PRKD3: variants seen among roughly 807,000 people sequenced by gnomAD.
PRKD3 encodes serine/threonine-protein kinase D3.
A neutral mutation model predicts 99.2 loss-of-function variants in PRKD3; 47 were observed. The observed-to-expected ratio is 0.47, with a 90% confidence interval of 0.38 to 0.60. The LOEUF (loss-of-function observed/expected upper bound fraction) is 0.60. Among genes scored for constraint, PRKD3 ranks in the 20% least tolerant of loss-of-function variants. The pLI is 0.00. For synonymous variants in PRKD3, 392 were observed against 355.4 expected (o/e 1.10, Z -1.16); for missense variants, 1,019 against 1,088.4 (o/e 0.94, Z 0.90).
intron 2 of PRKD3, among the ~76,000 whole-genome samples, chr2:37,296,899 CAAAAAAAAAAAA>C (rs748730644): frequency 2.1e-5 from 1 of 48,130 alleles, no homozygotes; most frequent in Non-Finnish European, 4.3e-5. Flanking sequence ...GACTCTGTCT[CAAAAAAAAAAAA>C]AAAAAAAAAA....
chr2:37,316,867 TTG>T lies in PRKD3; in HGVS notation c.-345_-344del. 9.6e-7 allele frequency: 1 copy of T among 1,046,648 alleles called. No individual in the cohort carries two copies. The highest frequency in any genetic ancestry group is 1.2e-6 in the Non-Finnish European group (1 of 869,388). 64.8% of individuals were successfully genotyped at this position (1,046,648 alleles called of 1,614,324 possible). On this transcript the variant is annotated 5_prime_UTR_variant, in exon 2 of 19. An upstream open reading frame in the 5' UTR gains an earlier in-frame stop. Transcript: ENST00000234179. The stretch of plus-strand genomic sequence containing the variant: ...AATCTATTTTCCTTTCAGTCTGTAC[TTG>T]TCTCTTTAATTTCAGGAAATACATA...
At position 37,264,079 on chromosome 2, in the gene PRKD3, A is replaced by G. The variant is rs547368266; in HGVS notation, c.1884+3351T>C. ...CAAAAGAAACATTTTACATTACCAC[A>G]TAATCTAGGAAACAAAAGGAACCTC... On this transcript the variant is annotated intron_variant, in intron 14 of 18. Transcript: ENST00000234179. Among the ~76,000 whole-genome samples, 5 of 152,260 alleles carry G rather than the reference A, an allele frequency of 3.3e-5. No homozygotes were observed. The South Asian group carries it at 1.0e-3, about 32-fold the overall frequency.
At position 37,301,946 on chromosome 2, in the gene PRKD3, G is replaced by T. The variant is rs547167102; in HGVS notation, c.289-8675C>A. 2.8e-3 allele frequency among the ~76,000 whole-genome samples: 423 copies of T among 152,274 alleles called. 1 individual carries two copies. Among genetic ancestry groups the T allele is most frequent in the Non-Finnish European group, 3.9e-3 (268 of 68,028 alleles). On this transcript the variant is annotated intron_variant, in intron 2 of 18. Coordinates refer to ENST00000234179, the MANE Select transcript of PRKD3 (RefSeq NM_005813.6). ...ACAACTTGAGCTAGTGGCATTCAGTGGGTAGAGCACTGTAGAACACAGAGG... is the reference window on the plus strand; with the variant it reads ...ACAACTTGAGCTAGTGGCATTCAGTTGGTAGAGCACTGTAGAACACAGAGG...
chr2:37,324,486 T>A (rs1049662829), intron 1 of PRKD3, 195 bp downstream of exon 1: 1 of 135,612 alleles, frequency 7.4e-6, no homozygotes, highest in African/African-American at 2.7e-5. Flanking sequence ...CCAGCGCGGC[T>A]GACACCGCCC....
At chr2:37,273,199 A>T (rs1437280738) in intron 11 of PRKD3, among the ~76,000 whole-genome samples, 1 of 152,142 alleles carries the variant, frequency 6.6e-6, no homozygotes, top group African/African-American at 2.4e-5. Context: ...CACCTCATTT[A>T]TCTTTTAAAG....
chr2:37,324,386 G>C, intron 1 of PRKD3: 1 of 200,672 alleles, frequency 5.0e-6, no homozygotes. Flanking sequence ...CCGCGCGGAC[G>C]CCGGAACTTG....
chr2:37,302,188 A>G (rs1328595506), intron 2 of PRKD3, among the ~76,000 whole-genome samples: 1 of 152,214 alleles, frequency 6.6e-6, no homozygotes, highest in African/African-American at 2.4e-5. Context: ...CTAATGATAC[A>G]GCATGGTAGA....
At position 37,293,396 on chromosome 2, in the gene PRKD3, A is replaced by G. The variant is rs574609701; in HGVS notation, c.289-125T>C. 2.6e-5 allele frequency: 24 copies of G among 911,254 alleles called. No homozygotes were observed. The African/African-American group carries it at 3.5e-4, about 13-fold the overall frequency. 56.4% of individuals were successfully genotyped at this position (911,254 alleles called of 1,614,324 possible). A position where few individuals can be genotyped will look rare whatever the true frequency, so the allele number is the denominator to read the frequency against. On this transcript the variant is annotated intron_variant, in intron 2 of 18. Coordinates refer to ENST00000234179, the MANE Select transcript of PRKD3 (RefSeq NM_005813.6). ...CCTAACACTATTTGCTAACAATTCT[A>G]TTGATACCTAAAAGGTGATCCACGT...
chr2:37,320,018 A>G (rs768232177), intron 1 of PRKD3, among the ~76,000 whole-genome samples: 1 of 152,204 alleles, frequency 6.6e-6, no homozygotes, highest in Non-Finnish European at 1.5e-5. Context: ...GTGCTCAGTA[A>G]GTTTTAGCAA....
intron 5 of PRKD3, among the ~76,000 whole-genome samples, chr2:37,288,523 T>G (rs1425728218): frequency 6.6e-6 from 1 of 152,142 alleles, no homozygotes. Flanking sequence ...CAGAAAAAAC[T>G]AAATAATAAG....
Position 37,279,791 on chromosome 2 carries a change from G to A in PRKD3, c.1127C>T (p.Ser376Phe). ...TTCATCTCTTTCCACATCGAGATCA[G>A]ATGGATCCAAGAAGAACATCTTATC... is the stretch of plus-strand genomic sequence containing the variant. ...PEDKMFFLDP[S>F]DLDVERDEEA... Residue 376 changes from serine (S) to phenylalanine (F), a missense_variant, in exon 8 of 19, where the codon TCT becomes TTT. Around this residue, in one of 3 missense-constraint regions of PRKD3, gnomAD observed 710 missense variants for 692.7 expected, o/e 1.02. Coordinates refer to ENST00000234179, the MANE Select transcript of PRKD3 (RefSeq NM_005813.6). 3 of 1,613,778 alleles carry A rather than the reference G, an allele frequency of 1.9e-6. No individual in the cohort carries two copies. Among genetic ancestry groups the A allele is most frequent in the Non-Finnish European group, 2.5e-6 (3 of 1,179,936 alleles).
chr2:37,254,006 C>T (rs997317871), intron 18 of PRKD3, among the ~76,000 whole-genome samples, 198 bp downstream of exon 18: 1 of 152,160 alleles, frequency 6.6e-6, no homozygotes, highest in African/African-American at 2.4e-5. Context: ...TCATTGCTTT[C>T]AGTTCATGGG....
At chr2:37,297,134 C>T (rs142923764) in intron 2 of PRKD3, among the ~76,000 whole-genome samples, 1 of 151,964 alleles carries the variant, frequency 6.6e-6, no homozygotes, top group African/African-American at 2.4e-5. Flanking sequence ...TAGGTTTTCA[C>T]GCAGGAGTGG....
chr2:37,305,154 G>C (rs1671102505), intron 2 of PRKD3, among the ~76,000 whole-genome samples: 2 of 151,930 alleles, frequency 1.3e-5, no homozygotes, highest in Admixed American at 1.3e-4. Context: ...GACAACAAAA[G>C]ATACAGCTGG....
At chr2:37,299,279 T>G (rs1377525467) in intron 2 of PRKD3, among the ~76,000 whole-genome samples, 1 of 152,002 alleles carries the variant, frequency 6.6e-6, no homozygotes, top group South Asian at 2.1e-4. Context: ...AAGAAAACAA[T>G]GGGGAAACAC....
At chr2:37,298,065 T>TTA (rs1004798795) in intron 2 of PRKD3, among the ~76,000 whole-genome samples, 5 of 152,322 alleles carry the variant, frequency 3.3e-5, no homozygotes, top group African/African-American at 1.2e-4. Flanking sequence ...TTCACAACAT[T>TTA]TATATATATC....
intron 2 of PRKD3, among the ~76,000 whole-genome samples, chr2:37,299,691 C>A (rs1248773134): frequency 1.3e-5 from 2 of 151,810 alleles, no homozygotes; most frequent in Non-Finnish European, 2.9e-5. Flanking sequence ...TCAACAACAA[C>A]AAAAAAAGAA....
At chr2:37,315,547 T>A (rs933969818) in intron 2 of PRKD3, among the ~76,000 whole-genome samples, 3 of 152,074 alleles carry the variant, frequency 2.0e-5, no homozygotes, top group African/African-American at 4.8e-5. Context: ...GATAACAAGG[T>A]ATGGAGATGG....
At position 37,282,834 on chromosome 2, in the gene PRKD3, G is replaced by A. The variant is rs138386815; in HGVS notation, c.911-215C>T. Reference sequence around the variant, plus strand: ...CTAATACCATGTGTACAACACCGCCGAAATGTACTGGCAGCTCCATATTTC... The same window carrying A: ...CTAATACCATGTGTACAACACCGCCAAAATGTACTGGCAGCTCCATATTTC... On this transcript the variant is annotated intron_variant, in intron 6 of 18. Transcript: ENST00000234179. Among the ~76,000 whole-genome samples the A allele has an allele frequency of 9.5e-4, 145 of 152,156 alleles. 2 individuals are homozygous for A. Among genetic ancestry groups the A allele is most frequent in the African/African-American group, 2.9e-3 (119 of 41,502 alleles).
Sources: allele counts gnomAD v4.1 joint callset (sites outside exome capture counted in the v4.1 genomes callset), GRCh38; gene constraint gnomAD v4.1.1; regional missense constraint gnomAD v4.1.1; transcripts MANE v1.5; gene names NCBI Gene and HGNC (gene_info 2026-07-23, HGNC 2026-07-21).